Variants in PLCB1 observed in about 807,000 individuals in gnomAD.
PLCB1 encodes the protein phospholipase C beta 1.
Under a neutral mutation model 161.8 loss-of-function variants are expected in PLCB1, and 46 were observed. That is an observed-to-expected ratio of 0.28 (90% confidence interval 0.22 to 0.36). The LOEUF is 0.36. PLCB1 is among the 10% of genes least tolerant of loss of function. PLCB1 has a pLI of 1.00. For missense variants in PLCB1, 1,016 were observed against 1,472.5 expected (o/e 0.69, Z 5.07); for synonymous variants, 517 against 503.7 (o/e 1.03, Z -0.35).
intron 2 of PLCB1, among the ~76,000 whole-genome samples, chr20:8,216,388 T>C (rs1482294048): frequency 6.6e-6 from 1 of 152,116 alleles, no homozygotes; most frequent in African/African-American, 2.4e-5. Context: ...CTCCTGAAGC[T>C]AGAAACAAAC....
intron 3 of PLCB1, among the ~76,000 whole-genome samples, chr20:8,381,888 A>T (rs1422001866): frequency 6.6e-6 from 1 of 151,104 alleles, no homozygotes; most frequent in Non-Finnish European, 1.5e-5. Flanking sequence ...TTTTTTCGGG[A>T]AAAAAAGAAG....
rs1020744747 is a variant in PLCB1, at chr20:8,473,070, A to G, written c.246+101620A>G. 2.0e-5 allele frequency among the ~76,000 whole-genome samples: 3 copies of G among 152,266 alleles called. No homozygotes were observed. In the South Asian group the frequency reaches 6.2e-4, roughly 32 times the overall value. On this transcript the variant is annotated intron_variant, in intron 3 of 31. Transcript: ENST00000338037. Reference sequence around the variant, plus strand: ...GGTCACCAGTGGAAGGTTTCTGTGAATGTGACTCTAGCTCTAACTCTGTGA... The same window carrying G: ...GGTCACCAGTGGAAGGTTTCTGTGAGTGTGACTCTAGCTCTAACTCTGTGA...
chr20:8,428,890 A>G (rs989233935), intron 3 of PLCB1, among the ~76,000 whole-genome samples: 1 of 152,182 alleles, frequency 6.6e-6, no homozygotes, highest in Non-Finnish European at 1.5e-5. Flanking sequence ...TATGAGAAAT[A>G]CAGGGGAAAA....
chr20:8,218,717 G>C lies in PLCB1; in HGVS notation c.177+68346G>C, dbSNP rs1357406966. Reference sequence around the variant, plus strand: ...ATGAATTAGTCGGTCTCAAGGAAGGGGCAATGCTACTCCCTAGAAAATATT... The same window carrying C: ...ATGAATTAGTCGGTCTCAAGGAAGGCGCAATGCTACTCCCTAGAAAATATT... On this transcript the variant is annotated intron_variant, in intron 2 of 31. Transcript: ENST00000338037. 2.0e-5 allele frequency among the ~76,000 whole-genome samples: 3 copies of C among 151,688 alleles called. No individual in the cohort carries two copies. In the East Asian group the frequency reaches 5.8e-4, roughly 29 times the overall value.
At chr20:8,313,631 T>A (rs1984511384) in intron 2 of PLCB1, among the ~76,000 whole-genome samples, 1 of 152,088 alleles carries the variant, frequency 6.6e-6, no homozygotes, top group South Asian at 2.1e-4. Context: ...CATAGGAAAT[T>A]TTATTAAGTG....
chr20:8,329,910 A>G (rs1985300346), intron 2 of PLCB1, among the ~76,000 whole-genome samples: 1 of 152,196 alleles, frequency 6.6e-6, no homozygotes, highest in South Asian at 2.1e-4. Flanking sequence ...GTGTATTTCT[A>G]TAGGCGTTAC....
intron 3 of PLCB1, among the ~76,000 whole-genome samples, chr20:8,375,993 A>G (rs1470750585): frequency 6.7e-6 from 1 of 150,192 alleles, no homozygotes; most frequent in Non-Finnish European, 1.5e-5. Context: ...GTAAGGTACT[A>G]TGCCAACAAA....
At chr20:8,391,785 GTA>G (rs374178427) in intron 3 of PLCB1, among the ~76,000 whole-genome samples, 12,001 of 114,260 alleles carry the variant, frequency 0.11, 665 homozygotes, top group Middle Eastern at 0.14. Context: ...ATATGTGTGT[GTA>G]TATATATATA....
intron 1 of PLCB1, among the ~76,000 whole-genome samples, chr20:8,140,177 A>G (rs1453743466): frequency 1.3e-5 from 2 of 152,150 alleles, no homozygotes; most frequent in South Asian, 2.1e-4. Flanking sequence ...AATGTGGTAG[A>G]TACAATAGCT....
chr20:8,277,001 A>C (rs1223444666), intron 2 of PLCB1, among the ~76,000 whole-genome samples: 150 of 138,922 alleles, frequency 1.1e-3, no homozygotes, highest in East Asian at 3.0e-3. Context: ...TATTATTATT[A>C]TTATTATTAT....
At chr20:8,539,416 G>A (rs1336134239) in intron 3 of PLCB1, among the ~76,000 whole-genome samples, 1 of 152,112 alleles carries the variant, frequency 6.6e-6, no homozygotes, top group African/African-American at 2.4e-5. Context: ...GGACAGATCA[G>A]TCACCCAATG....
At chr20:8,812,484 G>T (rs1259611647) in intron 31 of PLCB1, among the ~76,000 whole-genome samples, 1 of 152,184 alleles carries the variant, frequency 6.6e-6, no homozygotes, top group African/African-American at 2.4e-5. Context: ...TCCCTCTGGT[G>T]TTGACTTCAT....
At chr20:8,668,507 T>C (rs1356388155) in intron 9 of PLCB1, among the ~76,000 whole-genome samples, 2 of 152,138 alleles carry the variant, frequency 1.3e-5, no homozygotes, top group Non-Finnish European at 2.9e-5. Flanking sequence ...CTATATGTCT[T>C]TGTTGAGGGT....
intron 9 of PLCB1, among the ~76,000 whole-genome samples, chr20:8,664,865 C>T (rs973385588): frequency 6.6e-6 from 1 of 152,148 alleles, no homozygotes; most frequent in Non-Finnish European, 1.5e-5. Flanking sequence ...TACAGAAATC[C>T]TTTTTACTCA....
chr20:8,265,328 A>G (rs1409745101), intron 2 of PLCB1, among the ~76,000 whole-genome samples: 1 of 152,212 alleles, frequency 6.6e-6, no homozygotes, highest in Non-Finnish European at 1.5e-5. Flanking sequence ...AGTTGTTACC[A>G]TTTGAATTGT....
intron 4 of PLCB1, among the ~76,000 whole-genome samples, chr20:8,644,452 A>C (rs1237506915): frequency 2.2e-5 from 3 of 139,328 alleles, no homozygotes; most frequent in African/African-American, 2.7e-5. Flanking sequence ...CCGCCGCCCC[A>C]TCTGGGATGT....
chr20:8,140,801 T>A (rs1210038265), intron 1 of PLCB1, among the ~76,000 whole-genome samples: 1 of 152,134 alleles, frequency 6.6e-6, no homozygotes. Flanking sequence ...CTTTTTATTT[T>A]TTTATTTTTT....
intron 3 of PLCB1, among the ~76,000 whole-genome samples, chr20:8,433,772 A>G (rs1980171489): frequency 1.3e-5 from 2 of 151,636 alleles, no homozygotes; most frequent in African/African-American, 2.4e-5. Flanking sequence ...TCCATCTGAT[A>G]ATGAAACACT....
At chr20:8,335,963 G>A (rs961694926) in intron 2 of PLCB1, among the ~76,000 whole-genome samples, 10 of 152,190 alleles carry the variant, frequency 6.6e-5, no homozygotes, top group East Asian at 3.9e-4. Flanking sequence ...CTAGAGGCAC[G>A]TTGATCACAG....
Sources: gnomAD v4.1 joint callset for allele counts (sites outside exome capture counted in the v4.1 genomes callset) on GRCh38, gnomAD v4.1.1 for gene constraint, MANE v1.5 for transcripts, NCBI Gene and HGNC (gene_info 2026-07-23, HGNC 2026-07-21) for gene names.